GRID2: variants seen among roughly 807,000 people sequenced by gnomAD.
GRID2 encodes glutamate ionotropic receptor delta type subunit 2, also known as glutamate receptor ionotropic, delta-2.
A neutral mutation model predicts 114.8 loss-of-function variants in GRID2; 33 were observed. The observed-to-expected ratio is 0.29, with a 90% CI of 0.22 to 0.38. The LOEUF is 0.38. Ranked by LOEUF, GRID2 falls within the 10% of genes least tolerant of loss-of-function variation. GRID2 has a pLI of 1.00. For synonymous variants in GRID2, 505 were observed against 449.9 expected (o/e 1.12, Z -1.55); for missense variants, 1,184 against 1,257.7 (o/e 0.94, Z 0.89).
intron 1 of GRID2, among the ~76,000 whole-genome samples, chr4:92,585,268 AAAT>A (rs899346869): frequency 6.6e-5 from 10 of 152,004 alleles, no homozygotes; most frequent in African/African-American, 2.4e-4. Context: ...GTTAAAAAGA[AAAT>A]AAAAGATTCA....
intron 1 of GRID2, among the ~76,000 whole-genome samples, chr4:92,450,756 T>C (rs1203976942): frequency 2.6e-5 from 4 of 151,318 alleles, no homozygotes; most frequent in South Asian, 4.1e-4. Flanking sequence ...TTGATCTGTG[T>C]CAATCAAGTT....
chr4:92,999,679 T>C (rs1755417411), intron 2 of GRID2, among the ~76,000 whole-genome samples: 1 of 151,622 alleles, frequency 6.6e-6, no homozygotes, highest in Non-Finnish European at 1.5e-5. Context: ...AGTTTTGCTA[T>C]CATAAACAAC....
intron 8 of GRID2, among the ~76,000 whole-genome samples, chr4:93,277,089 C>T (rs1218336546): frequency 4.0e-5 from 6 of 151,738 alleles, no homozygotes; most frequent in Non-Finnish European, 7.4e-5. Flanking sequence ...TTACAGGTCC[C>T]ATAGTTGATG....
chr4:92,997,511 T>C (rs1309824667), intron 2 of GRID2, among the ~76,000 whole-genome samples: 1 of 152,134 alleles, frequency 6.6e-6, no homozygotes, highest in Non-Finnish European at 1.5e-5. Flanking sequence ...TTGATAGTGT[T>C]AGAAAGAAAC....
chr4:93,433,184 G>A (rs764878214), intron 10 of GRID2, among the ~76,000 whole-genome samples: 8 of 152,156 alleles, frequency 5.3e-5, no homozygotes, highest in Admixed American at 1.3e-4. Flanking sequence ...ACCTAAAACT[G>A]CTTTAGAAAA....
At chr4:93,074,542 GA>G (rs888284163) in intron 2 of GRID2, among the ~76,000 whole-genome samples, 1 of 152,054 alleles carries the variant, frequency 6.6e-6, no homozygotes, top group African/African-American at 2.4e-5. Context: ...GTCTATTTTA[GA>G]AAAGAAGAAT....
intron 8 of GRID2, among the ~76,000 whole-genome samples, chr4:93,315,542 G>A (rs778339669): frequency 2.0e-5 from 3 of 151,876 alleles, no homozygotes; most frequent in Non-Finnish European, 4.4e-5. Flanking sequence ...TGTTTATTAT[G>A]TTTATTATTG....
At chr4:92,969,418 C>G (rs972504508) in intron 2 of GRID2, among the ~76,000 whole-genome samples, 7 of 151,498 alleles carry the variant, frequency 4.6e-5, no homozygotes, top group African/African-American at 1.7e-4. Flanking sequence ...TGAGTTGTGG[C>G]AATTTTACAA....
At chr4:92,432,865 G>A (rs1020264758) in intron 1 of GRID2, among the ~76,000 whole-genome samples, 2 of 152,138 alleles carry the variant, frequency 1.3e-5, no homozygotes, top group African/African-American at 4.8e-5. Flanking sequence ...CACACCTGAA[G>A]CCAGCAGGGT....
intron 11 of GRID2, among the ~76,000 whole-genome samples, chr4:93,484,786 C>T (rs918596532): frequency 6.6e-6 from 1 of 151,814 alleles, no homozygotes; most frequent in African/African-American, 2.4e-5. Flanking sequence ...GTTCACTACG[C>T]ATGAAGAAAC....
intron 2 of GRID2, among the ~76,000 whole-genome samples, chr4:93,054,259 G>T (rs554087811): frequency 1.3e-5 from 2 of 151,394 alleles, no homozygotes; most frequent in African/African-American, 4.8e-5. Context: ...TATAGCATTC[G>T]CAAAAATTAA....
At chr4:93,553,193 T>C (rs1733953900) in intron 13 of GRID2, among the ~76,000 whole-genome samples, 1 of 152,182 alleles carries the variant, frequency 6.6e-6, no homozygotes, top group Non-Finnish European at 1.5e-5. Flanking sequence ...TTCTAGATCC[T>C]TGAGGAATCA....
At chr4:92,474,035 A>G (rs1345589964) in intron 1 of GRID2, among the ~76,000 whole-genome samples, 2 of 149,654 alleles carry the variant, frequency 1.3e-5, no homozygotes, top group Non-Finnish European at 3.0e-5. Context: ...CTGAGAACTT[A>G]AGGTCTATTC....
intron 10 of GRID2, among the ~76,000 whole-genome samples, chr4:93,434,859 C>T (rs1177810499): frequency 6.6e-6 from 1 of 152,170 alleles, no homozygotes; most frequent in East Asian, 1.9e-4. Context: ...TCACCATGCT[C>T]CAAGCTTATG....
chr4:93,241,441 ACTAAC>A (rs767302756), intron 8 of GRID2, among the ~76,000 whole-genome samples: 20 of 151,740 alleles, frequency 1.3e-4, no homozygotes, highest in Non-Finnish European at 2.4e-4. Flanking sequence ...TATATTTATA[ACTAAC>A]TTAGATCAGA....
At chr4:93,144,008 T>C (rs1323185318) in intron 4 of GRID2, among the ~76,000 whole-genome samples, 2 of 152,198 alleles carry the variant, frequency 1.3e-5, no homozygotes, top group African/African-American at 2.4e-5. Flanking sequence ...CGTTATAATG[T>C]AATACATTTC....
chr4:92,847,163 C>A (rs187923427), intron 2 of GRID2, among the ~76,000 whole-genome samples: 1 of 152,104 alleles, frequency 6.6e-6, no homozygotes, highest in East Asian at 1.9e-4. Flanking sequence ...GAGACTTTAG[C>A]CATTGTCAGT....
intron 2 of GRID2, among the ~76,000 whole-genome samples, chr4:92,687,196 T>C (rs1158750745): frequency 6.7e-6 from 1 of 148,228 alleles, no homozygotes; most frequent in East Asian, 2.0e-4. Context: ...TTTTTTTTTT[T>C]CAGGAAAGAG....
chr4:92,824,016 A>G (rs1393383910), intron 2 of GRID2, among the ~76,000 whole-genome samples: 2 of 152,174 alleles, frequency 1.3e-5, no homozygotes, highest in African/African-American at 4.8e-5. Context: ...TATGGATAAT[A>G]TCTAATACAA....
Sources: gnomAD v4.1 joint callset for allele counts (sites outside exome capture counted in the v4.1 genomes callset) on GRCh38, gnomAD v4.1.1 for gene constraint, MANE v1.5 for transcripts, NCBI Gene and HGNC (gene_info 2026-07-23, HGNC 2026-07-21) for gene names.